Variants in OTOGL observed in about 807,000 individuals in gnomAD.
OTOGL encodes the protein otogelin-like protein.
A neutral mutation model predicts 318.5 loss-of-function variants in OTOGL; 285 were observed. That is an observed-to-expected ratio of 0.89 (90% CI 0.81 to 0.99). The LOEUF is 0.99. Among genes scored for constraint, OTOGL ranks in the 50% least tolerant of loss-of-function variants. The pLI, the probability that OTOGL is intolerant of heterozygous loss-of-function variation, is 0.00. For missense variants in OTOGL, 2,899 were observed against 2,845.6 expected (o/e 1.02, Z -0.43); for synonymous variants, 987 against 936.5 (o/e 1.05, Z -0.99).
At chr12:80,146,000 T>C (rs9668411) in intron 1 of OTOGL, among the ~76,000 whole-genome samples, 83,491 of 149,112 alleles carry the variant, frequency 0.56, 24,729 homozygotes, top group African/African-American at 0.76. Context: ...ATGTCATCTG[T>C]AAGCAGGGAC....
rs186246207 is a variant in OTOGL, at chr12:80,115,893, C to T, written c.-20+16288C>T. Among the ~76,000 whole-genome samples, 199 of 152,196 alleles carry T rather than the reference C, an allele frequency of 1.3e-3. 1 individual carries two copies. Among genetic ancestry groups the T allele is most frequent in the Non-Finnish European group, 2.2e-3 (151 of 68,012 alleles). On this transcript the variant is annotated intron_variant, in intron 1 of 58. Coordinates refer to ENST00000547103, the MANE Select transcript of OTOGL (RefSeq NM_001378609.3). Reference sequence around the variant, plus strand: ...CTCAAGCCTCAGTAATGGTGGACACCCCTCCCCCCACCAAGCTTCAGTGTC... The same window carrying T: ...CTCAAGCCTCAGTAATGGTGGACACTCCTCCCCCCACCAAGCTTCAGTGTC...
intron 57 of OTOGL, 116 bp from the exon 58 acceptor site, chr12:80,377,007 G>T: frequency 3.3e-6 from 2 of 614,580 alleles, no homozygotes; most frequent in Non-Finnish European, 5.3e-6. Flanking sequence ...TTTCAATACT[G>T]GAATATATTT....
chr12:80,130,695 C>G (rs984811780), intron 1 of OTOGL, among the ~76,000 whole-genome samples: 7 of 152,250 alleles, frequency 4.6e-5, no homozygotes, highest in Admixed American at 1.3e-4. Context: ...TTATGAACAC[C>G]AAAGAGGGGG....
At chr12:80,292,897 A>G (rs1207891687) in intron 26 of OTOGL, among the ~76,000 whole-genome samples, 1 of 152,336 alleles carries the variant, frequency 6.6e-6, no homozygotes, top group East Asian at 1.9e-4. Flanking sequence ...ATACCAACGA[A>G]GATGAATATG....
At chr12:80,318,900 G>A (rs954708967) in intron 33 of OTOGL, among the ~76,000 whole-genome samples, 187 bp downstream of exon 33, 1 of 151,972 alleles carries the variant, frequency 6.6e-6, no homozygotes, top group Admixed American at 6.6e-5. Flanking sequence ...TCATTTCTTT[G>A]TTTATTTATT....
At chr12:80,240,132 A>G (rs757917824) in intron 11 of OTOGL, among the ~76,000 whole-genome samples, 10 of 152,068 alleles carry the variant, frequency 6.6e-5, no homozygotes, top group Non-Finnish European at 1.0e-4. Flanking sequence ...TCATCCACTG[A>G]TGGACACAGG....
intron 7 of OTOGL, among the ~76,000 whole-genome samples, chr12:80,228,459 A>ACAAG (rs1879075692): frequency 6.6e-6 from 1 of 151,978 alleles, no homozygotes; most frequent in African/African-American, 2.4e-5. Flanking sequence ...AAACAAACAA[A>ACAAG]CAAAAACAAA....
rs1877358209 is a variant in OTOGL at position 80,212,666 on chromosome 12, A to G, written c.168+669A>G. Among the ~76,000 whole-genome samples, 3 of 152,226 alleles carry G rather than the reference A, an allele frequency of 2.0e-5. No individual in the cohort carries two copies. The South Asian group carries it at 6.2e-4, about 31-fold the overall frequency. Reference sequence around the variant, plus strand: ...TACAGAATCCTAACTTAGTAAAGGCATTTCTTTGAAAAGGAATATGATTTG... The same window carrying G: ...TACAGAATCCTAACTTAGTAAAGGCGTTTCTTTGAAAAGGAATATGATTTG... On this transcript the variant is annotated intron_variant, in intron 4 of 58. Transcript: ENST00000547103.
intron 5 of OTOGL, among the ~76,000 whole-genome samples, chr12:80,218,547 T>C (rs1877962303): frequency 6.6e-6 from 1 of 152,180 alleles, no homozygotes; most frequent in African/African-American, 2.4e-5. Context: ...CAGTTGCCTC[T>C]TGTCCTCTCC....
At chr12:80,365,450 A>G (rs983915693) in intron 52 of OTOGL, among the ~76,000 whole-genome samples, 2 of 152,138 alleles carry the variant, frequency 1.3e-5, no homozygotes, top group Admixed American at 1.3e-4. Flanking sequence ...GAAGAGAAGG[A>G]TAGAAGATTT....
chr12:80,274,681 G>A (rs952819291), intron 24 of OTOGL, among the ~76,000 whole-genome samples: 5 of 152,028 alleles, frequency 3.3e-5, no homozygotes, highest in East Asian at 3.9e-4. Flanking sequence ...CTTAGCTAGA[G>A]AGAAGACAAT....
At chr12:80,156,163 A>AT (rs1873102067) in intron 1 of OTOGL, among the ~76,000 whole-genome samples, 1 of 152,174 alleles carries the variant, frequency 6.6e-6, no homozygotes, top group African/African-American at 2.4e-5. Flanking sequence ...CTGGATGGGC[A>AT]CAATCTAATT....
intron 1 of OTOGL, among the ~76,000 whole-genome samples, chr12:80,161,891 G>C (rs1000773321): frequency 1.3e-5 from 2 of 152,110 alleles, no homozygotes; most frequent in African/African-American, 4.8e-5. Context: ...TTTGAAATTA[G>C]CATATAGAAA....
At chr12:80,221,143 G>A (rs1004991779) in intron 6 of OTOGL, among the ~76,000 whole-genome samples, 1 of 151,824 alleles carries the variant, frequency 6.6e-6, no homozygotes, top group African/African-American at 2.4e-5. Flanking sequence ...TTGAATAGAA[G>A]ATTATCTACA....
intron 1 of OTOGL, among the ~76,000 whole-genome samples, chr12:80,207,170 G>A (rs760485734): frequency 2.6e-5 from 4 of 151,920 alleles, no homozygotes; most frequent in Non-Finnish European, 4.4e-5. Flanking sequence ...TTTGGTTTAT[G>A]CTTGAGATTT....
intron 29 of OTOGL, 115 bp from the exon 30 acceptor site, chr12:80,310,496 C>G (rs1401312123): frequency 3.0e-6 from 2 of 656,330 alleles, no homozygotes; most frequent in Admixed American, 5.8e-5. Flanking sequence ...CAAATCCTAT[C>G]TAAAAGGATG....
At chr12:80,278,762 G>A (rs538274985) in intron 25 of OTOGL, among the ~76,000 whole-genome samples, 1 of 151,672 alleles carries the variant, frequency 6.6e-6, no homozygotes, top group South Asian at 2.1e-4. Flanking sequence ...CCTGTGTTCA[G>A]TTTTTCATTC....
chr12:80,213,261 G>A (rs140743063), intron 4 of OTOGL, among the ~76,000 whole-genome samples: 2,420 of 152,300 alleles, frequency 0.016, 71 homozygotes, highest in African/African-American at 0.055. Flanking sequence ...CTGTCATGGC[G>A]TTGGTGGGAG....
intron 11 of OTOGL, among the ~76,000 whole-genome samples, chr12:80,249,844 C>T (rs940647119): frequency 5.3e-5 from 8 of 152,176 alleles, no homozygotes; most frequent in African/African-American, 1.2e-4. Context: ...CCCTCCGAGG[C>T]AGGTGTGGGA....
Sources: gnomAD v4.1 joint callset for allele counts (sites outside exome capture counted in the v4.1 genomes callset) on GRCh38, gnomAD v4.1.1 for gene constraint, MANE v1.5 for transcripts, NCBI Gene and HGNC (gene_info 2026-07-23, HGNC 2026-07-21) for gene names.